SEC14L6: variants seen among roughly 807,000 people sequenced by gnomAD.
The protein encoded by SEC14L6 is SEC14-like protein 6.
A neutral mutation model predicts 54.1 loss-of-function variants in SEC14L6; 40 were observed. The ratio of observed to expected loss-of-function variants is 0.74; its 90% CI spans 0.57 to 0.96. The LOEUF (loss-of-function observed/expected upper bound fraction) is 0.96. Ranked by LOEUF, SEC14L6 falls within the 40% of genes least tolerant of loss-of-function variation. The pLI is 0.00. For missense variants in SEC14L6, 471 were observed against 498.3 expected, an observed-to-expected ratio of 0.95 and a Z score of 0.52; for synonymous variants, 171 against 198.4, an observed-to-expected ratio of 0.86 and a Z score of 1.16.
At chr22:30,528,119 CT>C (rs1201756831) in intron 8 of SEC14L6, among the ~76,000 whole-genome samples, 2,019 of 117,676 alleles carry the variant, frequency 0.017, 17 homozygotes, top group African/African-American at 0.053. Flanking sequence ...ACCTAGATTT[CT>C]TTTTTTTTTT....
chr22:30,532,675 G>A lies in SEC14L6; in HGVS notation c.273C>T (p.His91=), dbSNP rs761508538. ...RLYNANGICG[H]DGEGSPVWYH... is the part of the protein sequence containing the mutation. ...ACCAGACAGGGCTGCCCTCACCGTC[G>A]TGGCCGCATATGCCGTTAGCGTTGT... The change falls in exon 5 of 12, where the codon CAC becomes CAT. Residue 91 remains histidine (H), a synonymous_variant. Transcript: ENST00000402034. 56 of 1,552,702 alleles carry A rather than the reference G, an allele frequency of 3.6e-5. No individual in the cohort carries two copies. The highest frequency in any genetic ancestry group is 7.8e-5 in the Admixed American group (4 of 51,074).
At position 30,524,603 on chromosome 22, in the gene SEC14L6, C is replaced by T. The variant is rs1254021174; in HGVS notation, c.*394G>A. On this transcript the variant is annotated 3_prime_UTR_variant, in exon 12 of 12. Coordinates refer to ENST00000402034, the MANE Select transcript of SEC14L6 (RefSeq NM_001193336.4). ...TGTTGGCCAGGCTGGTCTCGAACTCCTGACCTCAAATGATCTGCCCGCCTT... is the reference window on the plus strand; with the variant it reads ...TGTTGGCCAGGCTGGTCTCGAACTCTTGACCTCAAATGATCTGCCCGCCTT... 1 of 159,452 alleles carries T rather than the reference C, an allele frequency of 6.3e-6. No homozygotes were observed. The highest frequency in any genetic ancestry group is 1.4e-5 in the Non-Finnish European group (1 of 72,692). The allele number at this position is 159,452 out of a possible 1,614,324, so 9.9% of individuals were successfully genotyped here.
intron 8 of SEC14L6, 87 bp downstream of exon 8, chr22:30,529,000 C>T (rs1159312291): frequency 1.3e-5 from 16 of 1,194,414 alleles, no homozygotes; most frequent in Non-Finnish European, 1.7e-5. Flanking sequence ...CCTACACCTT[C>T]GGATGCAGGA....
rs185969957 is a variant in SEC14L6 at position 30,542,396 on chromosome 22, C to T, written c.55-3494G>A. 6.0e-3 allele frequency: 2,524 copies of T among 419,198 alleles called. 66 individuals are homozygous for T. Among genetic ancestry groups the T allele is most frequent in the African/African-American group, 0.047 (2,228 of 47,706 alleles). 26.0% of individuals were successfully genotyped at this position (419,198 alleles called of 1,614,324 possible). On this transcript the variant is annotated intron_variant, in intron 1 of 11. Coordinates refer to ENST00000402034, the MANE Select transcript of SEC14L6 (RefSeq NM_001193336.4). ...TAGCCGCGCGGCCGGAGTCCGGAGG[C>T]GAGGGGAGGTCGGCCGCAACTTCCC...
At chr22:30,546,552 A>G (rs76415233) in intron 1 of SEC14L6, 77 bp downstream of exon 1, 35,253 of 1,363,084 alleles carry the variant, frequency 0.026, 820 homozygotes, top group African/African-American at 0.097. Flanking sequence ...GAAGAAACTC[A>G]GGGACCTTGA....
intron 1 of SEC14L6, chr22:30,543,754 A>T: frequency 6.4e-7 from 1 of 1,572,958 alleles, no homozygotes. Flanking sequence ...CCTCGTCCGA[A>T]TCAGACAGAA....
chr22:30,538,924 C>A, intron 1 of SEC14L6, 22 bp from the exon 2 acceptor site: 3 of 1,541,548 alleles, frequency 1.9e-6, no homozygotes, highest in South Asian at 2.4e-5. Context: ...CAGGGAGAGA[C>A]CTGGGTCAGA....
chr22:30,538,943 ACCCTCGGTCCTG>A, intron 1 of SEC14L6, 41 bp from the exon 2 acceptor site: 1 of 1,406,118 alleles, frequency 7.1e-7, no homozygotes, highest in East Asian at 2.5e-5. Context: ...GAGGCCAACC[ACCCTCGGTCCTG>A]CAGGTCTCAA....
At position 30,525,019 on chromosome 22, in the gene SEC14L6, A is replaced by C; in HGVS notation, c.1172T>G (p.Met391Arg). 6.5e-7 allele frequency: 1 copy of C among 1,540,400 alleles called. No homozygotes were observed. Among genetic ancestry groups the C allele is most frequent in the Non-Finnish European group, 8.8e-7 (1 of 1,137,710 alleles). ...VEVLLPDQTF[M>R]EKMEKF The stretch of plus-strand genomic sequence containing the variant: ...CACCTAGAATTTCTCCATCTTCTCC[A>C]TGAAGGTTTGGTCTGGGAGCAGTAC... Residue 391 changes from methionine (M) to arginine (R), a missense_variant, in exon 12 of 12, where the codon ATG (methionine) becomes AGG (arginine). Met to Arg is a moderately conservative substitution (Grantham distance 91, BLOSUM62 -1). Coordinates refer to ENST00000402034, the MANE Select transcript of SEC14L6 (RefSeq NM_001193336.4).
rs953057224 is a variant in SEC14L6, at chr22:30,529,452, A to T, written c.520-103T>A. 3 of 896,678 alleles carry T rather than the reference A, an allele frequency of 3.3e-6. No homozygotes were observed. The Admixed American group carries it at 6.2e-5, about 18-fold the overall frequency. 55.5% of individuals were successfully genotyped at this position (896,678 alleles called of 1,614,324 possible). The stretch of plus-strand genomic sequence containing the variant: ...CCCAAGGGCACAGCCTTGGCCTCGA[A>T]TGCCAACCATCCAAGGCTTTGATGC... On this transcript the variant is annotated intron_variant, in intron 6 of 11. Transcript: ENST00000402034.
In SEC14L6 at chr22:30,534,033, C is replaced by A; in HGVS notation, c.137G>T (p.Ser46Ile). Residue 46 changes from serine (S) to isoleucine (I), a missense_variant, in exon 3 of 12, where the codon AGC becomes ATC. Physicochemically the swap from Ser to Ile is moderately radical, Grantham distance 142 (BLOSUM62 -2). Transcript: ENST00000402034. ...GTCCTCTGATTTCTGCAGGTCAAAG[C>A]TCCGAGCTGCAACAAGAGACAGGGT... ...YFLLRWLQAR[S>I]FDLQKSEDML... The A allele has an allele frequency of 6.4e-7, 1 of 1,551,004 alleles. No individual in the cohort carries two copies. Among genetic ancestry groups the A allele is most frequent in the South Asian group, 1.2e-5 (1 of 84,048 alleles).
At chr22:30,533,128 G>A (rs2146268852) in intron 3 of SEC14L6, 1 of 985,338 alleles carries the variant, frequency 1.0e-6, no homozygotes, top group East Asian at 1.1e-4. Flanking sequence ...TGTTTCCCAT[G>A]CCCCCTCCCG....
intron 2 of SEC14L6, 130 bp from the exon 3 acceptor site, chr22:30,534,169 C>T: frequency 1.3e-6 from 1 of 788,120 alleles, no homozygotes; most frequent in Non-Finnish European, 2.0e-6. Context: ...TTGTTCTTGA[C>T]CTGGGGAGCC....
chr22:30,528,386 G>T (rs1199452527), intron 8 of SEC14L6, among the ~76,000 whole-genome samples: 1 of 148,212 alleles, frequency 6.7e-6, no homozygotes, highest in Non-Finnish European at 1.5e-5. Flanking sequence ...CTCCCAAAGT[G>T]CTGGGATTAG....
At chr22:30,525,311 C>A (rs757915729) in intron 11 of SEC14L6, 39 bp downstream of exon 11, 1 of 1,602,256 alleles carries the variant, frequency 6.2e-7, no homozygotes, top group Non-Finnish European at 8.5e-7. Flanking sequence ...CTCCCCCTAG[C>A]CCCCAGCTCC....
intron 6 of SEC14L6, among the ~76,000 whole-genome samples, chr22:30,530,920 C>A (rs1936947671): frequency 6.6e-6 from 1 of 151,948 alleles, no homozygotes; most frequent in Non-Finnish European, 1.5e-5. Flanking sequence ...GGGGTGAGGG[C>A]AGAGATCAGG....
In SEC14L6 at chr22:30,534,111, C is replaced by CCT. The variant is rs1200652459; in HGVS notation, c.131-74_131-73dup. The CCT allele has an allele frequency of 1.5e-5, 21 of 1,420,370 alleles. No individual in the cohort carries two copies. The African/African-American group carries it at 2.0e-4, about 13-fold the overall frequency. 88.0% of individuals were successfully genotyped at this position (1,420,370 alleles called of 1,614,324 possible). A position where few individuals can be genotyped will look rare whatever the true frequency, so the allele number is the denominator to read the frequency against. On this transcript the variant is annotated intron_variant, in intron 2 of 11. Coordinates refer to ENST00000402034, the MANE Select transcript of SEC14L6 (RefSeq NM_001193336.4). ...TCCAGGCTTCTGGAGAGACAACGGCCCTGCCCCACCCTCCAGGCCAGCTTT... is the reference window on the plus strand; with the variant it reads ...TCCAGGCTTCTGGAGAGACAACGGCCCTCTGCCCCACCCTCCAGGCCAGCTTT...
intron 2 of SEC14L6, among the ~76,000 whole-genome samples, chr22:30,537,534 G>A (rs1009531907): frequency 3.9e-5 from 6 of 151,950 alleles, no homozygotes; most frequent in Non-Finnish European, 7.4e-5. Flanking sequence ...TGGGAGTATC[G>A]CTTGAGCCCA....
At chr22:30,532,080 G>C in intron 5 of SEC14L6, 82 bp from the exon 6 acceptor site, 3 of 1,502,040 alleles carry the variant, frequency 2.0e-6, no homozygotes, top group South Asian at 1.3e-5. Context: ...CTAAGCCCAG[G>C]GCACTGGCCT....
Sources: gnomAD v4.1 joint callset for allele counts (sites outside exome capture counted in the v4.1 genomes callset) on GRCh38, gnomAD v4.1.1 for gene constraint, MANE v1.5 for transcripts, NCBI Gene and HGNC (gene_info 2026-07-23, HGNC 2026-07-21) for gene names.